Variants in CSMD1 observed in about 807,000 individuals in gnomAD.
CSMD1 encodes CUB and sushi domain-containing protein 1.
In CSMD1, 213 loss-of-function variants were observed where a neutral mutation model predicts 417.5. The ratio of observed to expected loss-of-function variants is 0.51; its 90% CI spans 0.46 to 0.57. The LOEUF (loss-of-function observed/expected upper bound fraction) is 0.57, where lower values mean the gene tolerates loss of function less well. Among genes scored for constraint, CSMD1 ranks in the 20% least tolerant of loss-of-function variants. CSMD1 has a pLI of 0.00. For synonymous variants in CSMD1, 2,862 were observed against 1,736.8 expected, an observed-to-expected ratio of 1.65 and a Z score of -16.11; for missense variants, 6,923 against 4,529.7, an observed-to-expected ratio of 1.53 and a Z score of -15.17.
intron 1 of CSMD1, among the ~76,000 whole-genome samples, chr8:4,719,989 C>G (rs1182017028): frequency 6.6e-6 from 1 of 152,012 alleles, no homozygotes; most frequent in Non-Finnish European, 1.5e-5. Flanking sequence ...ACAAAATAAT[C>G]AGTCATTCTC....
At chr8:4,622,663 T>G (rs1358868026) in intron 2 of CSMD1, among the ~76,000 whole-genome samples, 2 of 152,156 alleles carry the variant, frequency 1.3e-5, no homozygotes, top group Non-Finnish European at 1.5e-5. Flanking sequence ...TGCTAATAAC[T>G]GGTACAAAAG....
chr8:4,035,627 A>G (rs975009766), intron 3 of CSMD1, among the ~76,000 whole-genome samples: 8 of 152,238 alleles, frequency 5.3e-5, no homozygotes, highest in African/African-American at 1.9e-4. Context: ...AAGAACATAT[A>G]AAGAAATTTT....
chr8:3,456,336 T>C (rs1451412452), intron 12 of CSMD1, among the ~76,000 whole-genome samples: 1 of 111,380 alleles, frequency 9.0e-6, no homozygotes, highest in Non-Finnish European at 1.9e-5. Flanking sequence ...CCCAGTGACA[T>C]GAACGAGGTA....
chr8:4,230,628 A>G (rs1361711165), intron 3 of CSMD1, among the ~76,000 whole-genome samples: 1 of 152,120 alleles, frequency 6.6e-6, no homozygotes, highest in East Asian at 1.9e-4. Flanking sequence ...TAAACCCCCA[A>G]ATTTGTGACT....
intron 50 of CSMD1, among the ~76,000 whole-genome samples, chr8:3,049,226 C>T (rs1811656167): frequency 6.6e-6 from 1 of 152,134 alleles, no homozygotes; most frequent in Non-Finnish European, 1.5e-5. Context: ...CAATCTCAAC[C>T]TTCGGTATTT....
chr8:3,885,372 T>C (rs1806491920), intron 5 of CSMD1, among the ~76,000 whole-genome samples: 1 of 152,166 alleles, frequency 6.6e-6, no homozygotes, highest in Non-Finnish European at 1.5e-5. Context: ...AACGAAAATA[T>C]AAAAGCTTGA....
chr8:4,899,499 G>T (rs905151270), intron 1 of CSMD1, among the ~76,000 whole-genome samples: 1 of 152,108 alleles, frequency 6.6e-6, no homozygotes, highest in Admixed American at 6.5e-5. Flanking sequence ...CAATATGTTA[G>T]ATCTCATTGT....
intron 4 of CSMD1, among the ~76,000 whole-genome samples, chr8:4,030,351 C>G (rs1338295023): frequency 6.6e-6 from 1 of 152,208 alleles, no homozygotes; most frequent in Non-Finnish European, 1.5e-5. Flanking sequence ...CCTCTGAAAT[C>G]TAGGCAAAGG....
intron 3 of CSMD1, among the ~76,000 whole-genome samples, chr8:4,115,214 C>T (rs773500171): frequency 1.3e-5 from 2 of 152,196 alleles, no homozygotes; most frequent in Non-Finnish European, 2.9e-5. Flanking sequence ...GGTAAGTCAG[C>T]AGCCACCAAC....
At chr8:3,896,182 G>C (rs533226651) in intron 5 of CSMD1, among the ~76,000 whole-genome samples, 1 of 152,128 alleles carries the variant, frequency 6.6e-6, no homozygotes, top group Non-Finnish European at 1.5e-5. Context: ...ACAAAAACAT[G>C]ATCTAGAGCC....
chr8:4,328,378 A>G (rs1799677456), intron 3 of CSMD1, among the ~76,000 whole-genome samples: 2 of 150,950 alleles, frequency 1.3e-5, no homozygotes, highest in Non-Finnish European at 2.9e-5. Flanking sequence ...TGGAGGCATG[A>G]TTTCTTTTTA....
intron 10 of CSMD1, among the ~76,000 whole-genome samples, chr8:3,519,664 C>T (rs1051910129): frequency 6.6e-6 from 1 of 152,182 alleles, no homozygotes; most frequent in Non-Finnish European, 1.5e-5. Context: ...TATCAAGCAG[C>T]ATGCAGGCCA....
At chr8:4,978,695 T>A (rs557646511) in intron 1 of CSMD1, among the ~76,000 whole-genome samples, 1 of 152,294 alleles carries the variant, frequency 6.6e-6, no homozygotes, top group South Asian at 2.1e-4. Context: ...CCCAGCACTT[T>A]GGGAGGCCAA....
chr8:4,033,669 G>T (rs891900811), intron 3 of CSMD1, among the ~76,000 whole-genome samples: 1 of 152,130 alleles, frequency 6.6e-6, no homozygotes, highest in Admixed American at 6.6e-5. Context: ...CTGATGACTC[G>T]TATTTGGCTC....
chr8:3,161,996 C>G (rs1819926280), intron 38 of CSMD1, among the ~76,000 whole-genome samples, 163 bp downstream of exon 38: 1 of 152,130 alleles, frequency 6.6e-6, no homozygotes, highest in Admixed American at 6.5e-5. Flanking sequence ...AAGCTGTTTC[C>G]AAATGGTGAC....
intron 2 of CSMD1, among the ~76,000 whole-genome samples, chr8:4,524,174 C>T (rs1796387519): frequency 6.6e-6 from 1 of 151,082 alleles, no homozygotes; most frequent in Admixed American, 6.6e-5. Flanking sequence ...ATAAAGAAAG[C>T]AGTGGGGGAA....
intron 2 of CSMD1, among the ~76,000 whole-genome samples, chr8:4,470,651 G>A (rs1437605507): frequency 2.0e-5 from 3 of 152,188 alleles, no homozygotes; most frequent in East Asian, 1.9e-4. Flanking sequence ...TCAACAGTGA[G>A]ATTTCTAAAC....
chr8:4,207,299 T>C (rs1315969947), intron 3 of CSMD1, among the ~76,000 whole-genome samples: 6 of 152,166 alleles, frequency 3.9e-5, no homozygotes, highest in African/African-American at 7.2e-5. Context: ...GTCTAAACCA[T>C]GTTAACGTTA....
At chr8:4,055,422 A>G (rs918703501) in intron 3 of CSMD1, among the ~76,000 whole-genome samples, 1 of 151,994 alleles carries the variant, frequency 6.6e-6, no homozygotes, top group Non-Finnish European at 1.5e-5. Context: ...CTCACTAAAC[A>G]TTCCAAAATC....
Sources: gnomAD v4.1 joint callset for allele counts (sites outside exome capture counted in the v4.1 genomes callset) on GRCh38, gnomAD v4.1.1 for gene constraint, MANE v1.5 for transcripts, NCBI Gene and HGNC (gene_info 2026-07-23, HGNC 2026-07-21) for gene names.